NFATC1: variants seen among roughly 807,000 people sequenced by gnomAD.
NFATC1 encodes nuclear factor of activated T-cells, cytoplasmic 1.
Under a neutral mutation model 76.0 loss-of-function variants are expected in NFATC1, and 22 were observed. That is an observed-to-expected ratio of 0.29 (90% confidence interval 0.21 to 0.41). NFATC1 has a LOEUF of 0.41. Among genes scored for constraint, NFATC1 ranks in the 10% least tolerant of loss-of-function variants. The pLI is 1.00. For missense variants in NFATC1, 1,357 were observed against 1,337.7 expected, an observed-to-expected ratio of 1.01 and a Z score of -0.23; for synonymous variants, 704 against 613.1, an observed-to-expected ratio of 1.15 and a Z score of -2.19.
chr18:79,407,782 G>C (rs114449338), intron 1 of NFATC1, among the ~76,000 whole-genome samples: 311 of 152,302 alleles, frequency 2.0e-3, no homozygotes, highest in African/African-American at 7.2e-3. Context: ...TCTCTCTCCG[G>C]TGCAGGAGAC....
intron 2 of NFATC1, among the ~76,000 whole-genome samples, chr18:79,420,464 G>GGT (rs2086043187): frequency 6.6e-6 from 1 of 151,590 alleles, no homozygotes; most frequent in Admixed American, 6.6e-5. Context: ...AGAGGAAGAG[G>GGT]GGGACGCCTT....
chr18:79,516,251 G>A (rs962308911), intron 9 of NFATC1, among the ~76,000 whole-genome samples: 7 of 152,174 alleles, frequency 4.6e-5, no homozygotes, highest in South Asian at 2.1e-4. Context: ...TTGTCAGGCC[G>A]TCCCTCCGTT....
At chr18:79,444,056 A>C (rs962134707) in intron 3 of NFATC1, among the ~76,000 whole-genome samples, 1 of 152,122 alleles carries the variant, frequency 6.6e-6, no homozygotes, top group Non-Finnish European at 1.5e-5. Flanking sequence ...TCTCTCATGC[A>C]CTCTGGGTCT....
intron 9 of NFATC1, among the ~76,000 whole-genome samples, chr18:79,513,934 C>T (rs549560564): frequency 4.5e-4 from 68 of 152,340 alleles, no homozygotes; most frequent in African/African-American, 1.5e-3. Context: ...TGTCCCTTCT[C>T]GGGGACGTGT....
chr18:79,476,468 C>T (rs1344496275), intron 8 of NFATC1, among the ~76,000 whole-genome samples: 1 of 152,260 alleles, frequency 6.6e-6, no homozygotes, highest in East Asian at 1.9e-4. Flanking sequence ...CAGATCCCAC[C>T]TCACTGTGCC....
chr18:79,397,663 C>T (rs940747150), intron 1 of NFATC1, among the ~76,000 whole-genome samples: 2 of 152,102 alleles, frequency 1.3e-5, no homozygotes, highest in Non-Finnish European at 2.9e-5. Flanking sequence ...GTTGGAGTTT[C>T]GGTTTTAAAT....
Position 79,461,349 on chromosome 18 carries a change from C to G in NFATC1, c.1942C>G (p.Arg648Gly), listed in dbSNP as rs774653931. 1 of 1,491,306 alleles carries G rather than the reference C, an allele frequency of 6.7e-7. No homozygotes were observed. Among genetic ancestry groups the G allele is most frequent in the African/African-American group, 2.7e-5 (1 of 37,166 alleles). 92.4% of individuals were successfully genotyped at this position (1,491,306 alleles called of 1,614,324 possible). A position where few individuals can be genotyped will look rare whatever the true frequency, so the allele number is the denominator to read the frequency against. Residue 648 changes from arginine to glycine, a missense_variant, in exon 7 of 10, where the codon CGG (arginine) becomes GGG (glycine). Physicochemically the swap from Arg to Gly is moderately radical, Grantham distance 125. This residue lies in a region of NFATC1 where 242 missense variants were observed against 329.2 expected (regional missense o/e 0.74). Transcript: ENST00000427363. ...HVWEMEAKTD[R>G]DLCKPNSLVV... is the part of the protein sequence containing the mutation. Reference sequence around the variant, plus strand: ...CTGGGAGATGGAAGCGAAAACTGACCGGGACCTGTGCAAGCCGGTGAGTGC... The same window carrying G: ...CTGGGAGATGGAAGCGAAAACTGACGGGGACCTGTGCAAGCCGGTGAGTGC...
At chr18:79,404,160 G>A (rs929676238) in intron 1 of NFATC1, among the ~76,000 whole-genome samples, 1 of 152,222 alleles carries the variant, frequency 6.6e-6, no homozygotes, top group African/African-American at 2.4e-5. Context: ...TGTGTGCGTC[G>A]GACCAGGGGG....
chr18:79,523,399 G>A (rs921501503), intron 9 of NFATC1, among the ~76,000 whole-genome samples: 1 of 152,202 alleles, frequency 6.6e-6, no homozygotes, highest in African/African-American at 2.4e-5. Flanking sequence ...TCACTACAGG[G>A]TGAAGTTTAA....
intron 3 of NFATC1, among the ~76,000 whole-genome samples, chr18:79,437,294 T>A (rs2086813696): frequency 6.6e-6 from 1 of 152,224 alleles, no homozygotes; most frequent in South Asian, 2.1e-4. Context: ...AGACGCCTGC[T>A]TAGGACTCAC....
intron 2 of NFATC1, among the ~76,000 whole-genome samples, chr18:79,416,642 T>G (rs1021462237): frequency 1.3e-5 from 2 of 151,996 alleles, no homozygotes; most frequent in Non-Finnish European, 2.9e-5. Flanking sequence ...AAGCCGAGGG[T>G]GTCGAGTTGC....
rs372719440 is a variant in NFATC1, at chr18:79,411,099, C to A, written c.824C>A (p.Pro275Gln). The change falls in exon 2 of 10, where the codon CCG (proline) becomes CAG (glutamine). Residue 275 changes from proline to glutamine, a missense_variant. Pro to Gln is a moderately conservative substitution (Grantham distance 76, BLOSUM62 -1). Around this residue, in one of 3 missense-constraint regions of NFATC1, gnomAD observed 691 missense variants for 613.1 expected, o/e 1.13. Coordinates refer to ENST00000427363, the MANE Select transcript of NFATC1 (RefSeq NM_001278669.2). ...KRKYSLNGRQ[P>Q]PYSPHHSPTP... ...AAGTACAGCCTCAACGGCCGGCAGCCGCCCTACTCACCCCACCACTCGCCC... is the reference window on the plus strand; with the variant it reads ...AAGTACAGCCTCAACGGCCGGCAGCAGCCCTACTCACCCCACCACTCGCCC... 8 of 1,612,174 alleles carry A rather than the reference C, an allele frequency of 5.0e-6. No homozygotes were observed. In the African/African-American group the frequency reaches 6.7e-5, roughly 13 times the overall value.
At chr18:79,448,733 G>A (rs1292691763) in intron 3 of NFATC1, 49 bp from the exon 4 acceptor site, 15 of 1,578,592 alleles carry the variant, frequency 9.5e-6, no homozygotes, top group South Asian at 2.3e-5. Context: ...GTGACTCCCG[G>A]CGGTCTGTGC....
At chr18:79,431,489 G>T (rs182429783) in intron 2 of NFATC1, among the ~76,000 whole-genome samples, 3 of 152,018 alleles carry the variant, frequency 2.0e-5, no homozygotes, top group African/African-American at 7.2e-5. Context: ...GTGTGGCTGG[G>T]ATCCTCCCCA....
At chr18:79,475,551 G>A (rs913827171) in intron 8 of NFATC1, among the ~76,000 whole-genome samples, 25 of 150,950 alleles carry the variant, frequency 1.7e-4, no homozygotes, top group Non-Finnish European at 3.4e-4. Context: ...CCTGAGTGAA[G>A]TGTGTTCTCA....
chr18:79,396,974 G>A (rs994221197), intron 1 of NFATC1, among the ~76,000 whole-genome samples: 4 of 152,202 alleles, frequency 2.6e-5, no homozygotes, highest in African/African-American at 7.2e-5. Flanking sequence ...AGGAGTTCCA[G>A]CCAGAGAAGA....
intron 2 of NFATC1, among the ~76,000 whole-genome samples, chr18:79,414,704 C>T (rs1228856471): frequency 6.6e-6 from 1 of 152,116 alleles, no homozygotes; most frequent in African/African-American, 2.4e-5. Context: ...ACCTGCTATA[C>T]CCCCTAAAAA....
chr18:79,396,448 C>G (rs111602851), intron 1 of NFATC1, 97 bp downstream of exon 1: 68,552 of 812,722 alleles, frequency 0.084, 3,458 homozygotes, highest in Middle Eastern at 0.16. Context: ...CGGAGGGGTC[C>G]GGGCCAGAGA....
intron 2 of NFATC1, among the ~76,000 whole-genome samples, chr18:79,427,163 C>T (rs190317310): frequency 1.1e-3 from 172 of 152,298 alleles, no homozygotes; most frequent in South Asian, 4.2e-3. Context: ...CCCACGTGTC[C>T]GATGTCTCTG....
Sources: gnomAD v4.1 joint callset for allele counts (sites outside exome capture counted in the v4.1 genomes callset) on GRCh38, gnomAD v4.1.1 for gene constraint, gnomAD v4.1.1 regional missense constraint, MANE v1.5 for transcripts, NCBI Gene and HGNC (gene_info 2026-07-23, HGNC 2026-07-21) for gene names.